The following SCAPER variants were observed in gnomAD, a reference collection of about 807,000 sequenced individuals.
The protein encoded by SCAPER is S-phase cyclin A associated protein in the ER.
SCAPER carries 98 observed loss-of-function variants against 182.2 expected under a neutral mutation model. The ratio of observed to expected loss-of-function variants is 0.54; its 90% CI spans 0.46 to 0.64. The LOEUF (loss-of-function observed/expected upper bound fraction) is 0.64, where lower values mean the gene tolerates loss of function less well. Among genes scored for constraint, SCAPER ranks in the 30% least tolerant of loss-of-function variants. SCAPER has a pLI of 0.00. For missense variants in SCAPER, 1,432 were observed against 1,690.0 expected, an observed-to-expected ratio of 0.85 and a Z score of 2.68; for synonymous variants, 605 against 564.6, an observed-to-expected ratio of 1.07 and a Z score of -1.01.
In SCAPER at chr15:76,848,391, C is replaced by T. The variant is rs975928196; in HGVS notation, c.196-6460G>A. Among the ~76,000 whole-genome samples the T allele has an allele frequency of 9.7e-5, 14 of 144,416 alleles. 1 individual carries two copies. Among genetic ancestry groups the T allele is most frequent in the African/African-American group, 3.7e-4 (14 of 37,884 alleles). The allele number at this position is 144,416 out of a possible 152,430, so 94.7% of individuals were successfully genotyped here. ...TCGCCCAGGCTGGAGTGCAGTGGTG[C>T]AATCTCGGTTCGGTTCACTGCAAGC... On this transcript the variant is annotated intron_variant, in intron 4 of 31. Coordinates refer to ENST00000563290, the MANE Select transcript of SCAPER (RefSeq NM_020843.4).
rs1043481872 is a variant in SCAPER, at chr15:76,729,570, G to GT, written c.2023-834dup. Among the ~76,000 whole-genome samples, 17 of 152,238 alleles carry GT rather than the reference G, an allele frequency of 1.1e-4. No homozygotes were observed. The Middle Eastern group carries it at 0.01, about 91-fold the overall frequency. Reference sequence around the variant, plus strand: ...GGTAATACAATAGAGCACAGTGGGTGTAAGAGTGGATATCGGGTCAGATTC... The same window carrying GT: ...GGTAATACAATAGAGCACAGTGGGTGTTAAGAGTGGATATCGGGTCAGATTC... On this transcript the variant is annotated intron_variant, in intron 16 of 31. Coordinates refer to ENST00000563290, the MANE Select transcript of SCAPER (RefSeq NM_020843.4).
At chr15:76,890,313 A>C (rs1402076667) in intron 1 of SCAPER, among the ~76,000 whole-genome samples, 1 of 152,202 alleles carries the variant, frequency 6.6e-6, no homozygotes, top group Non-Finnish European at 1.5e-5. Context: ...GAAATAACTA[A>C]GATCAGAGCA....
chr15:76,802,459 C>T (rs1018363606), intron 6 of SCAPER, among the ~76,000 whole-genome samples: 4 of 152,188 alleles, frequency 2.6e-5, no homozygotes, highest in Admixed American at 6.5e-5. Flanking sequence ...CTATTACCAA[C>T]GTAAGGGTAA....
At chr15:76,457,003 A>G (rs147791102) in intron 25 of SCAPER, among the ~76,000 whole-genome samples, 1 of 150,926 alleles carries the variant, frequency 6.6e-6, no homozygotes, top group Non-Finnish European at 1.5e-5. Flanking sequence ...TAGATAGAGC[A>G]CATGGTTAGG....
chr15:76,357,084 C>A (rs769571507), intron 29 of SCAPER, among the ~76,000 whole-genome samples: 2 of 150,564 alleles, frequency 1.3e-5, no homozygotes, highest in Non-Finnish European at 3.0e-5. Context: ...TGACCCTAGG[C>A]AAATTGCTCC....
Position 76,883,159 on chromosome 15 carries a change from T to TCAGGGGCAAATC in SCAPER, c.6+652_6+653insGATTTGCCCCTG, listed in dbSNP as rs1389608904. 2.0e-4 allele frequency among the ~76,000 whole-genome samples: 30 copies of TCAGGGGCAAATC among 152,250 alleles called. No homozygotes were observed. In the East Asian group the frequency reaches 3.1e-3, roughly 16 times the overall value. Reference sequence around the variant, plus strand: ...AATAAGAGAGAAGGAAGAAGGCAAATCAGCATCAGTGCTGGAAAAAACAGA... The same window carrying TCAGGGGCAAATC: ...AATAAGAGAGAAGGAAGAAGGCAAATCAGGGGCAAATCCAGCATCAGTGCTGGAAAAAACAGA... On this transcript the variant is annotated intron_variant, in intron 2 of 31. Transcript: ENST00000563290.
intron 25 of SCAPER, among the ~76,000 whole-genome samples, chr15:76,462,710 T>C (rs111236892): frequency 4.3e-4 from 65 of 152,292 alleles, no homozygotes; most frequent in African/African-American, 1.4e-3. Flanking sequence ...AGGATACTAT[T>C]TCATATGAAT....
intron 25 of SCAPER, among the ~76,000 whole-genome samples, chr15:76,469,100 T>C (rs1051562970): frequency 2.0e-5 from 3 of 152,190 alleles, no homozygotes; most frequent in African/African-American, 4.8e-5. Context: ...TTATGACATA[T>C]GACATCTATA....
At chr15:76,481,774 C>A (rs1180698794) in intron 24 of SCAPER, among the ~76,000 whole-genome samples, 1 of 152,218 alleles carries the variant, frequency 6.6e-6, no homozygotes, top group African/African-American at 2.4e-5. Context: ...GTGTGTATCT[C>A]CAGCACTGTG....
chr15:76,701,470 T>C (rs534370600), intron 20 of SCAPER, among the ~76,000 whole-genome samples: 16 of 152,338 alleles, frequency 1.1e-4, no homozygotes, highest in South Asian at 2.1e-4. Context: ...TGGCATGTCA[T>C]TGAGTGATTA....
intron 20 of SCAPER, among the ~76,000 whole-genome samples, chr15:76,694,151 GGATTACATTGAATCTATA>G (rs1198506897): frequency 1.3e-5 from 2 of 151,302 alleles, no homozygotes; most frequent in Non-Finnish European, 2.9e-5. Flanking sequence ...ATTTTGATGG[GGATTACATTGAATCTATA>G]GATTGCTTTG....
chr15:76,426,685 T>C (rs1219408603), intron 26 of SCAPER, among the ~76,000 whole-genome samples: 1 of 152,032 alleles, frequency 6.6e-6, no homozygotes, highest in African/African-American at 2.4e-5. Context: ...GGAATACCAA[T>C]GACATTCTTC....
rs200098212 is a variant in SCAPER, at chr15:76,386,191, C to G, written c.3468-4576G>C. Among the ~76,000 whole-genome samples, 4 of 152,114 alleles carry G rather than the reference C, an allele frequency of 2.6e-5. No homozygotes were observed. The East Asian group carries it at 7.7e-4, about 29-fold the overall frequency. The stretch of plus-strand genomic sequence containing the variant: ...GACCCTTGTAATTACATTGTGATTA[C>G]CCTGAATTATCCAGAATAATCTCAC... On this transcript the variant is annotated intron_variant, in intron 27 of 31. Transcript: ENST00000563290.
chr15:76,722,627 G>A (rs1486129591), intron 17 of SCAPER, among the ~76,000 whole-genome samples: 1 of 152,186 alleles, frequency 6.6e-6, no homozygotes, highest in Non-Finnish European at 1.5e-5. Context: ...TCTATTCAGA[G>A]ATTCAACTTC....
chr15:76,353,107 G>A (rs549379543), intron 30 of SCAPER, among the ~76,000 whole-genome samples: 1 of 152,184 alleles, frequency 6.6e-6, no homozygotes, highest in East Asian at 1.9e-4. Context: ...AGCCAGCTGG[G>A]TACTATCATA....
intron 22 of SCAPER, among the ~76,000 whole-genome samples, chr15:76,591,302 CAGG>C (rs1047893751): frequency 6.6e-6 from 1 of 152,136 alleles, no homozygotes; most frequent in Admixed American, 6.5e-5. Flanking sequence ...GCTGCACGCC[CAGG>C]AGGACAGTTT....
intron 21 of SCAPER, among the ~76,000 whole-genome samples, chr15:76,643,419 C>T (rs1436039955): frequency 1.3e-5 from 2 of 152,138 alleles, no homozygotes; most frequent in African/African-American, 4.8e-5. Context: ...TGGTGGCTAA[C>T]GCCTGTAATC....
intron 20 of SCAPER, among the ~76,000 whole-genome samples, chr15:76,666,960 C>T (rs1450477599): frequency 3.9e-5 from 6 of 152,174 alleles, no homozygotes; most frequent in African/African-American, 1.4e-4. Flanking sequence ...ATGGTTATTT[C>T]TCCTCTTATC....
At chr15:76,484,127 C>A (rs2051386979) in intron 24 of SCAPER, among the ~76,000 whole-genome samples, 1 of 152,056 alleles carries the variant, frequency 6.6e-6, no homozygotes, top group Non-Finnish European at 1.5e-5. Context: ...ACAATTGATA[C>A]ACATTCATAC....
Sources: gnomAD v4.1 joint callset for allele counts (sites outside exome capture counted in the v4.1 genomes callset) on GRCh38, gnomAD v4.1.1 for gene constraint, MANE v1.5 for transcripts, NCBI Gene and HGNC (gene_info 2026-07-23, HGNC 2026-07-21) for gene names.